The following PRKCZ variants were observed in gnomAD, a reference collection of about 807,000 sequenced individuals.
The protein encoded by PRKCZ is protein kinase C zeta, also known as protein kinase C zeta type.
A neutral mutation model predicts 79.5 loss-of-function variants in PRKCZ; 33 were observed. The observed-to-expected ratio is 0.41, with a 90% CI of 0.31 to 0.55. PRKCZ has a LOEUF of 0.55. PRKCZ is among the 20% of genes least tolerant of loss of function. The probability of loss-of-function intolerance (pLI) is 0.19; values close to 1 mark genes in which losing one functional copy is unlikely to be tolerated. For missense variants in PRKCZ, 578 were observed against 813.5 expected (o/e 0.71, Z 3.52); for synonymous variants, 342 against 320.9 (o/e 1.07, Z -0.70).
rs1440478561 is a variant in PRKCZ at position 2,168,268 on chromosome 1, A to G, written c.975-1250A>G. On this transcript the variant is annotated intron_variant, in intron 10 of 17. Transcript: ENST00000378567. The surrounding 1 kb of genome is among the most constrained non-coding windows in gnomAD (Gnocchi z 4.7). ...CACCAGTGAGCATAGCCTCGTTCCA[A>G]TAAAACTTTATTTACAAAACAGGGA... 6.6e-6 allele frequency among the ~76,000 whole-genome samples: 1 copy of G among 152,194 alleles called. No homozygotes were observed. Among genetic ancestry groups the G allele is most frequent in the African/African-American group, 2.4e-5 (1 of 41,444 alleles).
At chr1:2,182,569 C>T (rs1484123428) in intron 16 of PRKCZ, 1 of 154,806 alleles carries the variant, frequency 6.5e-6, no homozygotes, top group East Asian at 1.9e-4. Flanking sequence ...TGTGATCCAC[C>T]CGCGAGCTGG....
intron 5 of PRKCZ, 119 bp downstream of exon 5, chr1:2,135,466 G>A: frequency 1.1e-6 from 1 of 909,554 alleles, no homozygotes; most frequent in Non-Finnish European, 1.6e-6. Flanking sequence ...GGCGCCCGAG[G>A]GCAAGGTTAC....
rs1684627983 is a variant in PRKCZ at position 2,172,507 on chromosome 1, T to C, written c.1285+119T>C. ...TCTTACACCCAAAAGCCACACACTG[T>C]CTTTCCCAGCCGGATGTCATCATCT... On this transcript the variant is annotated intron_variant, in intron 13 of 17. Coordinates refer to ENST00000378567, the MANE Select transcript of PRKCZ (RefSeq NM_002744.6). The surrounding 1 kb of genome is among the most constrained non-coding windows in gnomAD (Gnocchi z 7.8). The C allele has an allele frequency of 8.8e-7, 1 of 1,137,032 alleles. No individual in the cohort carries two copies. Among genetic ancestry groups the C allele is most frequent in the Non-Finnish European group, 1.2e-6 (1 of 820,906 alleles). The allele number at this position is 1,137,032 out of a possible 1,614,324, so 70.4% of individuals were successfully genotyped here.
chr1:2,059,300 C>G (rs962951640), intron 3 of PRKCZ, among the ~76,000 whole-genome samples: 8 of 152,258 alleles, frequency 5.3e-5, no homozygotes, highest in African/African-American at 1.9e-4. Context: ...GATGGCTTTG[C>G]TGTCCAGGTC....
intron 4 of PRKCZ, among the ~76,000 whole-genome samples, chr1:2,066,542 A>G (rs893754853): frequency 1.3e-5 from 2 of 152,190 alleles, no homozygotes; most frequent in African/African-American, 4.8e-5. Context: ...GTGGTTTCAC[A>G]TGTTGGCCAG....
At chr1:2,116,875 G>A (rs1340593518) in intron 4 of PRKCZ, among the ~76,000 whole-genome samples, 3 of 152,132 alleles carry the variant, frequency 2.0e-5, no homozygotes, top group Admixed American at 6.5e-5. Context: ...GATCAGTATG[G>A]GAGATTAGCA....
rs75358283 is a variant in PRKCZ at position 2,071,270 on chromosome 1, A to G, written c.334+11679A>G. ...TCCTGGAACATAGTAAGTGCTTAGC[A>G]AGGCCGTCTTGCCGTCTCTCCCACC... On this transcript the variant is annotated intron_variant, in intron 4 of 17. Transcript: ENST00000378567. 2.3e-3 allele frequency: 893 copies of G among 389,694 alleles called. 31 individuals carry two copies. In the East Asian group the frequency reaches 0.063, roughly 28 times the overall value. 24.1% of individuals were successfully genotyped at this position (389,694 alleles called of 1,614,324 possible).
rs1454745757 is a variant in PRKCZ at position 2,173,498 on chromosome 1, A to G, written c.1286-399A>G. On this transcript the variant is annotated intron_variant, in intron 13 of 17. Transcript: ENST00000378567. The surrounding 1 kb of genome is among the most constrained non-coding windows in gnomAD (Gnocchi z 5.7). The stretch of plus-strand genomic sequence containing the variant: ...ACTACTTGAACCTTTTTAAAAAACA[A>G]AATGGCTGTAGAAGGAAACACAGGA... 1.3e-5 allele frequency among the ~76,000 whole-genome samples: 2 copies of G among 152,224 alleles called. No homozygotes were observed. The highest frequency in any genetic ancestry group is 4.8e-5 in the African/African-American group (2 of 41,452).
intron 4 of PRKCZ, among the ~76,000 whole-genome samples, chr1:2,072,818 A>G (rs1661724417): frequency 6.6e-6 from 1 of 152,138 alleles, no homozygotes; most frequent in African/African-American, 2.4e-5. Context: ...GTGACTGGTC[A>G]GAGCCAGAGG....
chr1:2,113,273 C>T (rs1670110658), intron 4 of PRKCZ, among the ~76,000 whole-genome samples: 1 of 152,186 alleles, frequency 6.6e-6, no homozygotes, highest in South Asian at 2.1e-4. Context: ...CGTTTCCTCC[C>T]CACTGGTCTC....
intron 16 of PRKCZ, among the ~76,000 whole-genome samples, chr1:2,181,072 C>T (rs1391835928): frequency 6.6e-6 from 1 of 151,294 alleles, no homozygotes; most frequent in Non-Finnish European, 1.5e-5. Context: ...GCCCCCCAGC[C>T]CTGCTGCTTC....
At chr1:2,102,539 A>G (rs905175997) in intron 4 of PRKCZ, among the ~76,000 whole-genome samples, 16 of 151,828 alleles carry the variant, frequency 1.1e-4, no homozygotes, top group South Asian at 1.0e-3. Context: ...TCACTGTGTT[A>G]GCCGGGATGG....
chr1:2,079,137 C>T (rs28523336), intron 4 of PRKCZ, among the ~76,000 whole-genome samples: 39,028 of 152,038 alleles, frequency 0.26, 6,160 homozygotes, highest in East Asian at 0.74. Flanking sequence ...CCACTGCGCC[C>T]GGCCTGAAGG....
At chr1:2,055,129 A>C (rs1406107343) in intron 1 of PRKCZ, among the ~76,000 whole-genome samples, 1 of 151,892 alleles carries the variant, frequency 6.6e-6, no homozygotes, top group African/African-American at 2.4e-5. Context: ...TTTTTAGTAG[A>C]GACGGGGTTT....
rs1685061680 is a variant in PRKCZ, at chr1:2,174,460, G to A, written c.1406-294G>A. Among the ~76,000 whole-genome samples the A allele has an allele frequency of 6.6e-6, 1 of 152,242 alleles. No individual in the cohort carries two copies. Reference sequence around the variant, plus strand: ...CTGGGAACGCGGCTGTCTCCGCGGTGCCCTCTGGTGGCCAGCCTGCAGAGG... The same window carrying A: ...CTGGGAACGCGGCTGTCTCCGCGGTACCCTCTGGTGGCCAGCCTGCAGAGG... On this transcript the variant is annotated intron_variant, in intron 14 of 17. Coordinates refer to ENST00000378567, the MANE Select transcript of PRKCZ (RefSeq NM_002744.6). The surrounding 1 kb of genome is among the most constrained non-coding windows in gnomAD (Gnocchi z 6.2).
chr1:2,169,375 G>T, intron 10 of PRKCZ, 143 bp from the exon 11 acceptor site: 1 of 739,568 alleles, frequency 1.4e-6, no homozygotes, highest in Non-Finnish European at 2.4e-6. Context: ...TGCTGCCAGG[G>T]TGCTCCTGCT....
intron 16 of PRKCZ, among the ~76,000 whole-genome samples, chr1:2,180,298 T>C (rs1033446732): frequency 6.6e-5 from 10 of 152,252 alleles, no homozygotes; most frequent in African/African-American, 2.2e-4. Flanking sequence ...TGAAAATGCA[T>C]GGGGACTGAC....
At chr1:2,065,461 G>A (rs546408413) in intron 4 of PRKCZ, among the ~76,000 whole-genome samples, 3 of 152,214 alleles carry the variant, frequency 2.0e-5, no homozygotes, top group Non-Finnish European at 2.9e-5. Flanking sequence ...GGTGGATCAC[G>A]AGGTCAGGAG....
intron 4 of PRKCZ, among the ~76,000 whole-genome samples, chr1:2,097,933 C>T (rs1050125379): frequency 3.9e-5 from 6 of 152,216 alleles, no homozygotes; most frequent in Non-Finnish European, 7.3e-5. Flanking sequence ...GTGTGGTTCC[C>T]CTGTTGGCTA....
Sources: gnomAD v4.1 joint callset for allele counts (sites outside exome capture counted in the v4.1 genomes callset) on GRCh38, gnomAD v4.1.1 for gene constraint, Gnocchi (gnomAD v3.1) non-coding constraint, MANE v1.5 for transcripts, NCBI Gene and HGNC (gene_info 2026-07-23, HGNC 2026-07-21) for gene names.